The following GHR variants were observed in gnomAD, a reference collection of about 807,000 sequenced individuals.
GHR encodes growth hormone receptor, also known as GH receptor.
In GHR, 35 loss-of-function variants were observed where a neutral mutation model predicts 67.1. The ratio of observed to expected loss-of-function variants is 0.52; its 90% CI spans 0.40 to 0.69. The LOEUF (loss-of-function observed/expected upper bound fraction) is 0.69, where lower values mean the gene tolerates loss of function less well. Ranked by LOEUF, GHR falls within the 30% of genes least tolerant of loss-of-function variation. The pLI, the probability that GHR is intolerant of heterozygous loss-of-function variation, is 0.00. For synonymous variants in GHR, 272 were observed against 269.1 expected, an observed-to-expected ratio of 1.01 and a Z score of -0.10; for missense variants, 792 against 764.6, an observed-to-expected ratio of 1.04 and a Z score of -0.42.
chr5:42,563,693 A>G (rs1749760024), intron 1 of GHR, among the ~76,000 whole-genome samples: 1 of 151,130 alleles, frequency 6.6e-6, no homozygotes, highest in African/African-American at 2.4e-5. Flanking sequence ...CTATAGTCCC[A>G]GCTACTTGGA....
At chr5:42,692,027 T>C (rs1376593033) in intron 4 of GHR, among the ~76,000 whole-genome samples, 2 of 152,168 alleles carry the variant, frequency 1.3e-5, no homozygotes, top group African/African-American at 4.8e-5. Flanking sequence ...ATCCCCCACC[T>C]CTTCCATACC....
chr5:42,666,743 G>A (rs1388250148), intron 3 of GHR, among the ~76,000 whole-genome samples: 1 of 152,128 alleles, frequency 6.6e-6, no homozygotes, highest in Non-Finnish European at 1.5e-5. Flanking sequence ...CAAAAGTGCA[G>A]TATTTCAGTT....
At chr5:42,626,738 G>A (rs1753723752) in intron 2 of GHR, among the ~76,000 whole-genome samples, 1 of 152,110 alleles carries the variant, frequency 6.6e-6, no homozygotes, top group Admixed American at 6.6e-5. Flanking sequence ...AGGATTTTAG[G>A]AACTGTGTCA....
chr5:42,696,860 G>A (rs1757697778), intron 5 of GHR, among the ~76,000 whole-genome samples: 1 of 152,218 alleles, frequency 6.6e-6, no homozygotes, highest in Non-Finnish European at 1.5e-5. Flanking sequence ...TAAAGGACTA[G>A]TTCAAGTCAA....
chr5:42,451,744 C>T (rs907840292), intron 1 of GHR, among the ~76,000 whole-genome samples: 7 of 150,136 alleles, frequency 4.7e-5, no homozygotes, highest in African/African-American at 1.7e-4. Flanking sequence ...CTTTTAGTTT[C>T]CATTTGTGTG....
In GHR at chr5:42,423,688, C is replaced by G. The variant is rs1302197471; in HGVS notation, c.-279C>G. On this transcript the variant is annotated 5_prime_UTR_variant, in exon 1 of 10. Transcript: ENST00000230882. ...CCTCCCATCCTCCCTTCCCGTTTCACCCCGCCCCCTCTCTCCTCCCCAAGC... is the reference window on the plus strand; with the variant it reads ...CCTCCCATCCTCCCTTCCCGTTTCAGCCCGCCCCCTCTCTCCTCCCCAAGC... 6.5e-6 allele frequency: 1 copy of G among 153,480 alleles called. No homozygotes were observed. Among genetic ancestry groups the G allele is most frequent in the Non-Finnish European group, 1.5e-5 (1 of 68,372 alleles). 9.5% of individuals were successfully genotyped at this position (153,480 alleles called of 1,614,324 possible).
intron 2 of GHR, among the ~76,000 whole-genome samples, chr5:42,606,010 C>T (rs937366669): frequency 5.3e-5 from 8 of 152,192 alleles, no homozygotes; most frequent in Non-Finnish European, 1.2e-4. Flanking sequence ...CACATGAGCT[C>T]ATTTAAAACC....
chr5:42,563,624 C>CAA (rs1168788232), intron 1 of GHR, among the ~76,000 whole-genome samples: 1,453 of 45,062 alleles, frequency 0.032, 260 homozygotes, highest in African/African-American at 0.11. Flanking sequence ...GACTCCGTCT[C>CAA]AAAAAAAAAA....
intron 3 of GHR, among the ~76,000 whole-genome samples, chr5:42,669,959 C>A (rs1378814155): frequency 1.3e-5 from 2 of 152,080 alleles, no homozygotes; most frequent in Non-Finnish European, 2.9e-5. Context: ...CCAAAGCAAT[C>A]TATAGATTCA....
At chr5:42,500,116 G>T (rs1746478238) in intron 1 of GHR, among the ~76,000 whole-genome samples, 1 of 152,212 alleles carries the variant, frequency 6.6e-6, no homozygotes, top group Admixed American at 6.5e-5. Flanking sequence ...GGAAACAGCA[G>T]CCCTTCCTTC....
At chr5:42,443,395 A>T (rs1579707094) in intron 1 of GHR, among the ~76,000 whole-genome samples, 1 of 152,258 alleles carries the variant, frequency 6.6e-6, no homozygotes, top group East Asian at 1.9e-4. Context: ...TGTTTATGAA[A>T]TGTGTAGGGC....
At chr5:42,450,495 G>A (rs530822989) in intron 1 of GHR, among the ~76,000 whole-genome samples, 21 of 152,028 alleles carry the variant, frequency 1.4e-4, no homozygotes, top group East Asian at 3.9e-4. Context: ...CTTATTGAGC[G>A]TATTCGGATC....
intron 3 of GHR, among the ~76,000 whole-genome samples, chr5:42,643,934 A>G (rs569221481): frequency 1.3e-5 from 2 of 152,250 alleles, no homozygotes; most frequent in South Asian, 4.1e-4. Context: ...ATAAGCAACT[A>G]CCTTGAATTT....
At chr5:42,633,471 G>A (rs972471902) in intron 3 of GHR, among the ~76,000 whole-genome samples, 1 of 152,114 alleles carries the variant, frequency 6.6e-6, no homozygotes, top group South Asian at 2.1e-4. Context: ...AAAAACTTTT[G>A]CAGGACAAAA....
Position 42,713,448 on chromosome 5 carries a change from CTTAA to C in GHR, c.808_811del (p.Ile270LeufsTer8). ...TTTCAGATTTCTACTTTCCATGGCT[CTTAA>C]TTATTATCTTTGGAATATTTGGGCT... is the stretch of plus-strand genomic sequence containing the variant. On this transcript the variant is annotated frameshift_variant, in exon 8 of 10. Transcript: ENST00000230882. LOFTEE classifies it high-confidence loss of function. The C allele has an allele frequency of 6.9e-7, 1 of 1,457,414 alleles. No individual in the cohort carries two copies. Among genetic ancestry groups the C allele is most frequent in the Non-Finnish European group, 9.6e-7 (1 of 1,040,122 alleles). The allele number at this position is 1,457,414 out of a possible 1,614,324, so 90.3% of individuals were successfully genotyped here.
chr5:42,586,748 AC>A (rs1751497078), intron 2 of GHR, among the ~76,000 whole-genome samples: 1 of 152,040 alleles, frequency 6.6e-6, no homozygotes, highest in Non-Finnish European at 1.5e-5. Context: ...GGCCCCACTG[AC>A]CTCAAAGGGC....
chr5:42,474,289 G>GAAAGAAAGAAAGAAAGAAAGAA lies in GHR; in HGVS notation c.-12+50335_-12+50336insAAGAAAGAAAGAAAGAAAGAAA, dbSNP rs1422142604. Among the ~76,000 whole-genome samples the GAAAGAAAGAAAGAAAGAAAGAA allele has an allele frequency of 4.7e-3, 112 of 23,962 alleles. 7 individuals carry two copies. The highest frequency in any genetic ancestry group is 0.041 in the Admixed American group (102 of 2,510). 15.7% of individuals were successfully genotyped at this position (23,962 alleles called of 152,430 possible). A position where few individuals can be genotyped will look rare whatever the true frequency, so the allele number is the denominator to read the frequency against. ...AAAGAAAGAAAGAAAGAAAGAAAAAGAGAAAGAGAAAGAAAGAAAGAAAGA... is the reference window on the plus strand; with the variant it reads ...AAAGAAAGAAAGAAAGAAAGAAAAAGAAAGAAAGAAAGAAAGAAAGAAAGAAAGAGAAAGAAAGAAAGAAAGA... On this transcript the variant is annotated intron_variant, in intron 1 of 9. Transcript: ENST00000230882.
intron 1 of GHR, among the ~76,000 whole-genome samples, chr5:42,496,667 A>C (rs1381315081): frequency 6.6e-6 from 1 of 152,202 alleles, no homozygotes; most frequent in Admixed American, 6.5e-5. Context: ...TACCCATGCC[A>C]GAGTAGGGTA....
intron 1 of GHR, among the ~76,000 whole-genome samples, chr5:42,550,799 A>G (rs957983438): frequency 2.0e-5 from 3 of 152,162 alleles, no homozygotes; most frequent in African/African-American, 7.2e-5. Flanking sequence ...TTTATTTGGC[A>G]TAGCAGCTGT....
Sources: allele counts gnomAD v4.1 joint callset (sites outside exome capture counted in the v4.1 genomes callset), GRCh38; gene constraint gnomAD v4.1.1; transcripts MANE v1.5; gene names NCBI Gene and HGNC (gene_info 2026-07-23, HGNC 2026-07-21).